PDZD2: variants seen among roughly 807,000 people sequenced by gnomAD.
The protein encoded by PDZD2 is PDZ domain-containing protein 2.
In PDZD2, 90 loss-of-function variants were observed where a neutral mutation model predicts 220.7. The observed-to-expected ratio is 0.41, with a 90% CI of 0.34 to 0.49. The LOEUF (loss-of-function observed/expected upper bound fraction) is 0.49, where lower values mean the gene tolerates loss of function less well. Among genes scored for constraint, PDZD2 ranks in the 20% least tolerant of loss-of-function variants. The probability of loss-of-function intolerance (pLI) is 0.28; values close to 1 mark genes in which losing one functional copy is unlikely to be tolerated. For synonymous variants in PDZD2, 1,375 were observed against 1,450.5 expected (o/e 0.95, Z 1.18); for missense variants, 3,174 against 3,608.5 (o/e 0.88, Z 3.08).
At chr5:31,966,593 A>G (rs996447227) in intron 2 of PDZD2, among the ~76,000 whole-genome samples, 1 of 152,218 alleles carries the variant, frequency 6.6e-6, no homozygotes, top group Non-Finnish European at 1.5e-5. Context: ...TCAGAATCCA[A>G]GACTTAAAAG....
intron 2 of PDZD2, among the ~76,000 whole-genome samples, chr5:31,919,109 C>G (rs890115040): frequency 6.6e-6 from 1 of 152,170 alleles, no homozygotes. Flanking sequence ...TGTGAAGAAA[C>G]TGGTGGAGGA....
chr5:32,095,478 ATTCGAGGC>A (rs1451934777), intron 21 of PDZD2, among the ~76,000 whole-genome samples: 1 of 152,134 alleles, frequency 6.6e-6, no homozygotes, highest in Non-Finnish European at 1.5e-5. Context: ...GCTGTGAGAG[ATTCGAGGC>A]TTCGAGGCTG....
At chr5:31,985,660 C>A (rs1253452709) in intron 3 of PDZD2, among the ~76,000 whole-genome samples, 1 of 152,054 alleles carries the variant, frequency 6.6e-6, no homozygotes, top group African/African-American at 2.4e-5. Flanking sequence ...CACCACCACC[C>A]TTCATCCTGG....
At chr5:31,713,730 AGAGACAG>A (rs1748266269) in intron 1 of PDZD2, among the ~76,000 whole-genome samples, 1 of 152,182 alleles carries the variant, frequency 6.6e-6, no homozygotes, top group African/African-American at 2.4e-5. Context: ...TATTTTTAAT[AGAGACAG>A]GGTTTCACCA....
intron 24 of PDZD2, 34 bp from the exon 25 acceptor site, chr5:32,107,935 C>A: frequency 6.6e-7 from 1 of 1,517,654 alleles, no homozygotes; most frequent in Non-Finnish European, 9.0e-7. Context: ...ATGAAACTGC[C>A]AAGCTATTAA....
chr5:31,967,297 G>C (rs994924634), intron 2 of PDZD2, among the ~76,000 whole-genome samples: 2 of 152,164 alleles, frequency 1.3e-5, no homozygotes, highest in Admixed American at 1.3e-4. Flanking sequence ...TGAGATACAT[G>C]GACCCACGGG....
At chr5:31,717,112 G>T (rs1031631479) in intron 1 of PDZD2, among the ~76,000 whole-genome samples, 1 of 151,788 alleles carries the variant, frequency 6.6e-6, no homozygotes, top group Non-Finnish European at 1.5e-5. Context: ...TAAGAATAAA[G>T]AAAATTAAAA....
chr5:31,740,688 A>C lies in PDZD2; in HGVS notation c.-360-58201A>C, dbSNP rs10073756. Among the ~76,000 whole-genome samples, 1,315 of 151,958 alleles carry C rather than the reference A, an allele frequency of 8.7e-3. 18 individuals are homozygous for C. Among genetic ancestry groups the C allele is most frequent in the African/African-American group, 0.03 (1,231 of 41,456 alleles). ...AATTGAGAAGTCTATGATCTTGGCT[A>C]TTGTTTGTGGTGTTAACTCTTGGTC... On this transcript the variant is annotated intron_variant, in intron 1 of 24. Coordinates refer to ENST00000438447, the MANE Select transcript of PDZD2 (RefSeq NM_178140.4).
chr5:31,923,003 C>T (rs550995211), intron 2 of PDZD2, among the ~76,000 whole-genome samples: 32 of 149,764 alleles, frequency 2.1e-4, no homozygotes, highest in Admixed American at 8.0e-4. Flanking sequence ...TTCAAAAATG[C>T]GCTTGCAGGC....
intron 2 of PDZD2, among the ~76,000 whole-genome samples, chr5:31,854,740 C>T (rs181694099): frequency 4.6e-5 from 7 of 152,266 alleles, no homozygotes; most frequent in East Asian, 1.9e-4. Flanking sequence ...TGAGAAGCCC[C>T]AAACTCCCTG....
rs140152144 is a variant in PDZD2, at chr5:31,866,429, G to A, written c.476+66705G>A. ...GCTCAGACTCTTAATTCCTGCTGTC[G>A]GCCCGGGCATCTGAGGGCAGAGAGA... On this transcript the variant is annotated intron_variant, in intron 2 of 24. Coordinates refer to ENST00000438447, the MANE Select transcript of PDZD2 (RefSeq NM_178140.4). Among the ~76,000 whole-genome samples, 586 of 152,142 alleles carry A rather than the reference G, an allele frequency of 3.9e-3. 2 individuals carry two copies. The highest frequency in any genetic ancestry group is 0.014 in the African/African-American group (565 of 41,498).
intron 1 of PDZD2, among the ~76,000 whole-genome samples, chr5:31,695,111 G>A (rs1038939996): frequency 3.3e-5 from 5 of 151,800 alleles, no homozygotes; most frequent in Admixed American, 6.6e-5. Flanking sequence ...GTGACAGAGC[G>A]AGACTCCGTC....
At chr5:31,651,698 C>G (rs1343814184) in intron 1 of PDZD2, among the ~76,000 whole-genome samples, 1 of 152,052 alleles carries the variant, frequency 6.6e-6, no homozygotes, top group Non-Finnish European at 1.5e-5. Flanking sequence ...GTGGCATGAT[C>G]TCGGCTCACT....
intron 1 of PDZD2, among the ~76,000 whole-genome samples, chr5:31,738,924 C>G (rs1052080287): frequency 6.6e-6 from 1 of 150,802 alleles, no homozygotes; most frequent in Non-Finnish European, 1.5e-5. Flanking sequence ...CTTGCTCTGT[C>G]GCTCAGGCTG....
intron 1 of PDZD2, among the ~76,000 whole-genome samples, chr5:31,678,003 T>C (rs1746505631): frequency 1.3e-5 from 2 of 152,200 alleles, no homozygotes; most frequent in African/African-American, 2.4e-5. Context: ...TATAACCATA[T>C]GTAAAGATGG....
At chr5:32,013,906 T>G (rs1204212920) in intron 6 of PDZD2, among the ~76,000 whole-genome samples, 10 of 152,168 alleles carry the variant, frequency 6.6e-5, no homozygotes. Context: ...TGAGTTCTCG[T>G]TGCAGCCCAG....
At chr5:31,908,505 T>C in intron 2 of PDZD2, 1 of 1,054,686 alleles carries the variant, frequency 9.5e-7, no homozygotes, top group Non-Finnish European at 1.4e-6. Context: ...TTGGTGGAAA[T>C]GCCTCCGCTG....
At chr5:31,715,049 ACT>A (rs10589292) in intron 1 of PDZD2, among the ~76,000 whole-genome samples, 79,519 of 142,724 alleles carry the variant, frequency 0.56, 21,778 homozygotes, top group African/African-American at 0.64. Flanking sequence ...ACAGAGCGAC[ACT>A]CTGTCTAAAA....
At chr5:32,052,443 G>A (rs1272400347) in intron 8 of PDZD2, 168 bp from the exon 9 acceptor site, 2 of 612,870 alleles carry the variant, frequency 3.3e-6, no homozygotes, top group East Asian at 3.0e-5. Flanking sequence ...ACGGTGCCCA[G>A]CACCTGCGAT....
Sources: allele counts gnomAD v4.1 joint callset (sites outside exome capture counted in the v4.1 genomes callset), GRCh38; gene constraint gnomAD v4.1.1; transcripts MANE v1.5; gene names NCBI Gene and HGNC (gene_info 2026-07-23, HGNC 2026-07-21).